The following DLG2 variants were observed in gnomAD, a reference collection of about 807,000 sequenced individuals.
DLG2 encodes disks large homolog 2.
A neutral mutation model predicts 132.5 loss-of-function variants in DLG2; 45 were observed. That is an observed-to-expected ratio of 0.34 (90% CI 0.27 to 0.44). DLG2 has a LOEUF of 0.44. Among genes scored for constraint, DLG2 ranks in the 20% least tolerant of loss-of-function variants. The probability of loss-of-function intolerance (pLI) is 1.00; values close to 1 mark genes in which losing one functional copy is unlikely to be tolerated. For missense variants in DLG2, 1,045 were observed against 1,196.9 expected, an observed-to-expected ratio of 0.87 and a Z score of 1.87; for synonymous variants, 424 against 419.6, an observed-to-expected ratio of 1.01 and a Z score of -0.13.
At chr11:83,864,209 A>G (rs1288192413) in intron 16 of DLG2, among the ~76,000 whole-genome samples, 1 of 152,236 alleles carries the variant, frequency 6.6e-6, no homozygotes, top group Non-Finnish European at 1.5e-5. Flanking sequence ...CCACCCGAAC[A>G]GTGCTAGTAG....
chr11:84,943,957 T>C (rs968407635), intron 6 of DLG2, among the ~76,000 whole-genome samples: 2 of 152,192 alleles, frequency 1.3e-5, no homozygotes, highest in Non-Finnish European at 2.9e-5. Flanking sequence ...CACCTTTTGT[T>C]TGTCTGGGAA....
intron 8 of DLG2, among the ~76,000 whole-genome samples, chr11:84,246,172 TCTA>T (rs1480517010): frequency 2.0e-5 from 3 of 152,256 alleles, no homozygotes; most frequent in African/African-American, 7.2e-5. Context: ...GTTTCAGTTA[TCTA>T]CTGTCAACCA....
At chr11:85,367,100 C>T (rs1421118643) in intron 3 of DLG2, among the ~76,000 whole-genome samples, 3 of 152,098 alleles carry the variant, frequency 2.0e-5, no homozygotes, top group Admixed American at 1.3e-4. Flanking sequence ...TGAAGTATGA[C>T]ATAGAATACA....
chr11:85,560,067 T>C (rs2077153122), intron 3 of DLG2, among the ~76,000 whole-genome samples: 1 of 151,888 alleles, frequency 6.6e-6, no homozygotes, highest in South Asian at 2.1e-4. Context: ...ATAGCTAGAA[T>C]TAGAAAGATA....
intron 3 of DLG2, among the ~76,000 whole-genome samples, chr11:85,531,119 A>C (rs2075177404): frequency 6.6e-6 from 1 of 152,242 alleles, no homozygotes; most frequent in Non-Finnish European, 1.5e-5. Context: ...ACTGGTCATT[A>C]AAAGTATTTA....
intron 6 of DLG2, among the ~76,000 whole-genome samples, chr11:84,823,814 C>A (rs61897880): frequency 1.3e-5 from 2 of 151,640 alleles, no homozygotes; most frequent in African/African-American, 4.8e-5. Flanking sequence ...AGTAGATACT[C>A]AATGATATTT....
chr11:84,659,563 A>T (rs762545398), intron 6 of DLG2, among the ~76,000 whole-genome samples: 18 of 152,210 alleles, frequency 1.2e-4, no homozygotes, highest in Non-Finnish European at 1.8e-4. Context: ...TGCAGATATC[A>T]CAGATCCTAA....
intron 3 of DLG2, among the ~76,000 whole-genome samples, chr11:85,397,903 G>A (rs1057046425): frequency 6.6e-6 from 1 of 152,110 alleles, no homozygotes; most frequent in African/African-American, 2.4e-5. Context: ...TCCAGGGCTT[G>A]AACACAGCTC....
chr11:83,993,230 T>A (rs549069834), intron 11 of DLG2, among the ~76,000 whole-genome samples: 3 of 152,296 alleles, frequency 2.0e-5, no homozygotes, highest in Admixed American at 2.0e-4. Context: ...CATATAGTAA[T>A]TGTTCAATAA....
intron 4 of DLG2, among the ~76,000 whole-genome samples, chr11:85,191,111 A>G (rs1277739318): frequency 3.3e-5 from 5 of 151,280 alleles, no homozygotes; most frequent in African/African-American, 1.2e-4. Flanking sequence ...CATGGAATCA[A>G]TCTGGGTGAT....
At chr11:84,078,919 T>G (rs965844654) in intron 10 of DLG2, among the ~76,000 whole-genome samples, 1 of 152,110 alleles carries the variant, frequency 6.6e-6, no homozygotes, top group Non-Finnish European at 1.5e-5. Flanking sequence ...TAAATTAACA[T>G]TGTCCAAAAT....
chr11:85,471,903 T>C (rs1489845163), intron 3 of DLG2, among the ~76,000 whole-genome samples: 1 of 152,042 alleles, frequency 6.6e-6, no homozygotes, highest in Non-Finnish European at 1.5e-5. Context: ...AAGAATTATA[T>C]AAGCAATCTT....
At chr11:84,444,323 A>T (rs2099026542) in intron 7 of DLG2, among the ~76,000 whole-genome samples, 2 of 152,178 alleles carry the variant, frequency 1.3e-5, no homozygotes, top group African/African-American at 4.8e-5. Context: ...ACCATGGCTC[A>T]TGTTTCCCTA....
At chr11:84,327,589 A>G (rs1203677030) in intron 7 of DLG2, among the ~76,000 whole-genome samples, 2 of 152,018 alleles carry the variant, frequency 1.3e-5, no homozygotes, top group Non-Finnish European at 2.9e-5. Flanking sequence ...CATATCTTCT[A>G]TAGCTATAGT....
In DLG2 at chr11:83,512,536, T is replaced by C. The variant is rs897224438; in HGVS notation, c.2193+20172A>G. Among the ~76,000 whole-genome samples, 85 of 152,172 alleles carry C rather than the reference T, an allele frequency of 5.6e-4. 2 individuals are homozygous for C. Among genetic ancestry groups the C allele is most frequent in the Non-Finnish European group, 2.4e-4 (16 of 68,032 alleles). On this transcript the variant is annotated intron_variant, in intron 21 of 27. Transcript: ENST00000376104. ...ATTATTGCATCATTTTATTTATTTA[T>C]TTATTTATATTATACTTTAAGTTTT...
intron 5 of DLG2, among the ~76,000 whole-genome samples, chr11:85,135,847 C>T (rs1371866496): frequency 1.3e-5 from 2 of 152,068 alleles, no homozygotes; most frequent in Non-Finnish European, 2.9e-5. Flanking sequence ...AAATCCCTGC[C>T]CACAAGAGAA....
chr11:83,915,612 A>G (rs970555414), intron 15 of DLG2, among the ~76,000 whole-genome samples: 3 of 152,168 alleles, frequency 2.0e-5, no homozygotes, highest in African/African-American at 4.8e-5. Context: ...AAACTTTTTA[A>G]AATTATTTTT....
intron 6 of DLG2, among the ~76,000 whole-genome samples, chr11:84,949,683 G>C (rs937356919): frequency 2.0e-5 from 3 of 152,214 alleles, no homozygotes; most frequent in Non-Finnish European, 4.4e-5. Flanking sequence ...GGCAGTCAGA[G>C]TTTAAGGTTA....
intron 3 of DLG2, among the ~76,000 whole-genome samples, chr11:85,294,937 A>C (rs1198496710): frequency 2.0e-5 from 3 of 152,188 alleles, no homozygotes; most frequent in Admixed American, 2.0e-4. Flanking sequence ...GTCTTTAAAA[A>C]TACGACCTCT....
Sources: allele counts gnomAD v4.1 joint callset (sites outside exome capture counted in the v4.1 genomes callset), GRCh38; gene constraint gnomAD v4.1.1; transcripts MANE v1.5; gene names NCBI Gene and HGNC (gene_info 2026-07-23, HGNC 2026-07-21).